COL5A2: variants seen among roughly 807,000 people sequenced by gnomAD.
COL5A2 encodes collagen type V alpha 2 chain.
In COL5A2, 23 loss-of-function variants were observed where a neutral mutation model predicts 208.2. The ratio of observed to expected loss-of-function variants is 0.11; its 90% CI spans 0.08 to 0.16. The LOEUF (loss-of-function observed/expected upper bound fraction) is 0.16. Among genes scored for constraint, COL5A2 ranks in the 10% least tolerant of loss-of-function variants. The pLI is 1.00. For missense variants in COL5A2, 1,590 were observed against 1,956.4 expected, an observed-to-expected ratio of 0.81 and a Z score of 3.53; for synonymous variants, 625 against 628.5, an observed-to-expected ratio of 0.99 and a Z score of 0.08.
At chr2:189,423,224 T>C in the COL5A2 span, among the ~76,000 whole-genome samples, 2 of 151,880 alleles carry the variant, frequency 1.3e-5, no homozygotes, top group African/African-American at 4.8e-5. Context: ...TCAAAAGCTA[T>C]GGGATATAAC....
the COL5A2 span, among the ~76,000 whole-genome samples, chr2:189,415,989 G>A: frequency 6.6e-6 from 1 of 152,188 alleles, no homozygotes; most frequent in Admixed American, 6.5e-5. Context: ...CAACATAAAA[G>A]TAACTGTTTG....
intron 1 of COL5A2, among the ~76,000 whole-genome samples, chr2:189,124,210 A>G (rs1357324900): frequency 2.0e-5 from 3 of 152,114 alleles, no homozygotes; most frequent in Non-Finnish European, 4.4e-5. Context: ...CTTTCTATTC[A>G]TTTCCCAACT....
chr2:189,044,328 A>G (rs544690272), intron 47 of COL5A2, among the ~76,000 whole-genome samples: 17 of 152,264 alleles, frequency 1.1e-4, no homozygotes, highest in African/African-American at 4.1e-4. Context: ...ATTTTATATA[A>G]CAATATAAAT....
the COL5A2 span, among the ~76,000 whole-genome samples, chr2:189,410,686 A>G: frequency 9.2e-5 from 14 of 152,202 alleles, no homozygotes; most frequent in Non-Finnish European, 1.9e-4. Flanking sequence ...TATGGACTTT[A>G]GTGATTTGAT....
chr2:189,279,004 T>A, the COL5A2 span, among the ~76,000 whole-genome samples: 2 of 151,978 alleles, frequency 1.3e-5, no homozygotes, highest in Non-Finnish European at 2.9e-5. Context: ...AAATTACTAT[T>A]ATCTGTTTAA....
the COL5A2 span, among the ~76,000 whole-genome samples, chr2:189,320,478 G>A: frequency 3.3e-5 from 5 of 152,218 alleles, no homozygotes; most frequent in African/African-American, 4.8e-5. Flanking sequence ...TAAAGGACCT[G>A]ATGGGGCTGA....
chr2:189,376,646 T>C, the COL5A2 span, among the ~76,000 whole-genome samples: 1 of 152,278 alleles, frequency 6.6e-6, no homozygotes, highest in South Asian at 2.1e-4. Flanking sequence ...TATAGAAAGG[T>C]TTGTACAATT....
At chr2:189,389,249 T>A in the COL5A2 span, among the ~76,000 whole-genome samples, 1 of 152,140 alleles carries the variant, frequency 6.6e-6, no homozygotes, top group African/African-American at 2.4e-5. Context: ...AGACAATAAG[T>A]CTCTATCAGT....
chr2:189,181,733 G>A (rs751284039), upstream of COL5A2, among the ~76,000 whole-genome samples: 2 of 152,242 alleles, frequency 1.3e-5, no homozygotes, highest in Non-Finnish European at 2.9e-5. Context: ...TTGTAGCAGA[G>A]TCAGTGTATG....
At chr2:189,038,984 T>C (rs1685499752) in intron 51 of COL5A2, among the ~76,000 whole-genome samples, 2 of 152,028 alleles carry the variant, frequency 1.3e-5, no homozygotes, top group Admixed American at 6.6e-5. Flanking sequence ...ACACCGCACC[T>C]GGCCTGTTTT....
chr2:189,210,432 G>GAAAA (rs34973641), intron 1 of COL5A2, among the ~76,000 whole-genome samples: 1 of 134,882 alleles, frequency 7.4e-6, no homozygotes, highest in Non-Finnish European at 1.6e-5. Flanking sequence ...TGTTGAGCTT[G>GAAAA]AAAAAAAAAA....
the COL5A2 span, among the ~76,000 whole-genome samples, chr2:189,306,988 T>C: frequency 2.6e-5 from 4 of 152,188 alleles, no homozygotes; most frequent in Admixed American, 6.5e-5. Context: ...TGTGACCCAA[T>C]AAGTAAATTT....
chr2:189,120,355 G>A (rs1559113246), intron 1 of COL5A2, among the ~76,000 whole-genome samples: 3 of 151,830 alleles, frequency 2.0e-5, no homozygotes, highest in Admixed American at 6.6e-5. Flanking sequence ...ATGTATCCTG[G>A]GGCCTTTTGA....
chr2:189,071,673 G>C (rs1686277833), intron 18 of COL5A2, among the ~76,000 whole-genome samples: 1 of 152,012 alleles, frequency 6.6e-6, no homozygotes, highest in South Asian at 2.1e-4. Context: ...CTATTGTTTG[G>C]AACATTCTGC....
In COL5A2 at chr2:189,202,548, TC is replaced by T. The variant is rs927810698; in HGVS notation, c.-42+22599del. ...TTTAGAAGCAGTAGAAATTAATTTC[TC>T]CAGGTTTAGAATTCATGTGGTAGAA... On this transcript the variant is annotated intron_variant, in intron 1 of 10. Coordinates refer to the COL5A2 transcript ENST00000649966. 3.9e-5 allele frequency among the ~76,000 whole-genome samples: 6 copies of T among 152,150 alleles called. No individual in the cohort carries two copies. In the South Asian group the frequency reaches 1.0e-3, roughly 26 times the overall value.
chr2:189,329,593 T>C, the COL5A2 span, among the ~76,000 whole-genome samples: 1 of 152,176 alleles, frequency 6.6e-6, no homozygotes, highest in African/African-American at 2.4e-5. Flanking sequence ...TAAACATATA[T>C]AATTTTTATT....
chr2:189,252,836 T>C, the COL5A2 span, among the ~76,000 whole-genome samples: 1 of 152,144 alleles, frequency 6.6e-6, no homozygotes, highest in Non-Finnish European at 1.5e-5. Context: ...AGTTTTGGAA[T>C]CAAAGTATAT....
At chr2:189,436,403 A>G in the COL5A2 span, among the ~76,000 whole-genome samples, 2 of 152,164 alleles carry the variant, frequency 1.3e-5, no homozygotes, top group African/African-American at 4.8e-5. Flanking sequence ...GAGGTATAGC[A>G]TTAGGAGATA....
At chr2:189,090,087 GCAAA>G (rs1375438824) in intron 7 of COL5A2, among the ~76,000 whole-genome samples, 2 of 152,292 alleles carry the variant, frequency 1.3e-5, no homozygotes, top group African/African-American at 4.8e-5. Flanking sequence ...ACCTCTTGCA[GCAAA>G]CAGTCATCCA....
Sources: gnomAD v4.1 joint callset for allele counts (sites outside exome capture counted in the v4.1 genomes callset) on GRCh38, gnomAD v4.1.1 for gene constraint, MANE v1.5 for transcripts, NCBI Gene and HGNC (gene_info 2026-07-23, HGNC 2026-07-21) for gene names.